Variants in ABL2 observed in about 807,000 individuals in gnomAD.
ABL2 encodes the protein tyrosine-protein kinase ABL2.
Under a neutral mutation model 107.7 loss-of-function variants are expected in ABL2, and 49 were observed. The ratio of observed to expected loss-of-function variants is 0.45; its 90% CI spans 0.36 to 0.58. The LOEUF (loss-of-function observed/expected upper bound fraction) is 0.58, where lower values mean the gene tolerates loss of function less well. ABL2 is among the 20% of genes least tolerant of loss of function. ABL2 has a pLI of 0.00. For missense variants in ABL2, 1,245 were observed against 1,457.0 expected, an observed-to-expected ratio of 0.85 and a Z score of 2.37; for synonymous variants, 549 against 548.6, an observed-to-expected ratio of 1.00 and a Z score of -0.01.
chr1:179,110,642 C>T (rs1400610171), intron 10 of ABL2, 187 bp from the exon 11 acceptor site: 1 of 1,525,358 alleles, frequency 6.6e-7, no homozygotes, highest in East Asian at 2.3e-5. Flanking sequence ...GTAGATTCGT[C>T]CACGCTGCTG....
intron 1 of ABL2, among the ~76,000 whole-genome samples, chr1:179,135,780 G>T (rs1444380931): frequency 6.8e-6 from 1 of 146,914 alleles, no homozygotes; most frequent in African/African-American, 2.5e-5. Flanking sequence ...GGAGGTGGGG[G>T]GGTCAGCCCC....
intron 1 of ABL2, among the ~76,000 whole-genome samples, chr1:179,144,485 G>C (rs1657859757): frequency 6.6e-6 from 1 of 151,956 alleles, no homozygotes; most frequent in Non-Finnish European, 1.5e-5. Context: ...AAGAGTGTTT[G>C]TTTAACTGTG....
intron 1 of ABL2, among the ~76,000 whole-genome samples, chr1:179,206,586 GA>G (rs1043139493): frequency 6.7e-5 from 10 of 149,934 alleles, no homozygotes; most frequent in African/African-American, 1.7e-4. Flanking sequence ...CATCTAGGGG[GA>G]AAAAAAAAGA....
chr1:179,229,649 GCCGCCA>G lies in ABL2; in HGVS notation c.-258_-253del, dbSNP rs1021424329. On this transcript the variant is annotated 5_prime_UTR_variant, in exon 1 of 12. Coordinates refer to ENST00000502732, the MANE Select transcript of ABL2 (RefSeq NM_007314.4). ...CGCCCCCAACGCCGCCGCCGCCGCC[GCCGCCA>G]CCGCCGCCGCCATCTTTAAACCACC... The G allele has an allele frequency of 5.2e-5, 25 of 480,490 alleles. 1 individual carries two copies. Among genetic ancestry groups the G allele is most frequent in the South Asian group, 2.4e-4 (8 of 32,996 alleles). The allele number at this position is 480,490 out of a possible 1,614,324, so 29.8% of individuals were successfully genotyped here.
chr1:179,121,535 T>G, intron 5 of ABL2, 60 bp downstream of exon 5: 1 of 1,568,478 alleles, frequency 6.4e-7, no homozygotes, highest in South Asian at 1.2e-5. Context: ...TGCTGATATT[T>G]CCAAGTGATT....
chr1:179,143,733 G>C (rs1004992453), intron 1 of ABL2, among the ~76,000 whole-genome samples: 2 of 152,192 alleles, frequency 1.3e-5, no homozygotes, highest in Admixed American at 6.5e-5. Flanking sequence ...GTCTCGCTCT[G>C]TCGCCCAGGC....
intron 1 of ABL2, among the ~76,000 whole-genome samples, chr1:179,199,032 G>T (rs1661502578): frequency 6.6e-6 from 1 of 151,846 alleles, no homozygotes; most frequent in East Asian, 2.0e-4. Context: ...AGTAGAGATG[G>T]GGGTTTCGCC....
At chr1:179,227,715 A>G (rs1041214015) in intron 1 of ABL2, among the ~76,000 whole-genome samples, 3 of 152,190 alleles carry the variant, frequency 2.0e-5, no homozygotes, top group Non-Finnish European at 2.9e-5. Context: ...TCACCTTCAT[A>G]AAGTGTTCAT....
intron 1 of ABL2, among the ~76,000 whole-genome samples, chr1:179,178,849 G>C (rs541078608): frequency 6.6e-6 from 1 of 152,094 alleles, no homozygotes; most frequent in East Asian, 1.9e-4. Flanking sequence ...GTGAGTTGAG[G>C]AGCCATGATC....
intron 1 of ABL2, 98 bp downstream of exon 1, chr1:179,229,143 C>T: frequency 7.4e-7 from 1 of 1,351,500 alleles, no homozygotes; most frequent in Non-Finnish European, 9.9e-7. Flanking sequence ...GCACCTTCCA[C>T]CCTCCGACCC....
intron 1 of ABL2, among the ~76,000 whole-genome samples, chr1:179,138,653 G>A (rs1045113782): frequency 6.6e-6 from 1 of 152,106 alleles, no homozygotes; most frequent in Admixed American, 6.5e-5. Flanking sequence ...ATCCTTCATG[G>A]CTCTGAGAGG....
chr1:179,201,867 A>C, intron 1 of ABL2: 1 of 1,357,444 alleles, frequency 7.4e-7, no homozygotes, highest in Non-Finnish European at 9.7e-7. Context: ...TTGAGACATC[A>C]AGACCCTCTA....
intron 8 of ABL2, among the ~76,000 whole-genome samples, 176 bp from the exon 9 acceptor site, chr1:179,115,206 G>A (rs1306515942): frequency 6.6e-6 from 1 of 151,990 alleles, no homozygotes; most frequent in African/African-American, 2.4e-5. Flanking sequence ...TAAAATATTT[G>A]CAACAGGAAT....
At chr1:179,224,761 A>T (rs924190623) in intron 1 of ABL2, among the ~76,000 whole-genome samples, 13 of 149,844 alleles carry the variant, frequency 8.7e-5, no homozygotes, top group South Asian at 4.4e-4. Context: ...CACGCCTATA[A>T]TCCCAGCACT....
chr1:179,135,748 G>A (rs1303701115), intron 1 of ABL2, among the ~76,000 whole-genome samples: 4 of 142,934 alleles, frequency 2.8e-5, no homozygotes, highest in African/African-American at 7.9e-5. Flanking sequence ...CCCTCTGCCC[G>A]GCCAGCTGCC....
At chr1:179,204,079 T>C (rs1661822551) in intron 1 of ABL2, among the ~76,000 whole-genome samples, 2 of 152,166 alleles carry the variant, frequency 1.3e-5, no homozygotes, top group South Asian at 4.1e-4. Context: ...CAGGCTGGAG[T>C]ACAGTGGCCT....
intron 2 of ABL2, among the ~76,000 whole-genome samples, chr1:179,132,347 C>T (rs1384460658): frequency 6.6e-6 from 1 of 152,090 alleles, no homozygotes; most frequent in Non-Finnish European, 1.5e-5. Context: ...ATCCCTATAC[C>T]ATCTTAAAGA....
At chr1:179,132,630 C>T (rs985407710) in intron 2 of ABL2, among the ~76,000 whole-genome samples, 3 of 149,932 alleles carry the variant, frequency 2.0e-5, no homozygotes, top group Non-Finnish European at 1.5e-5. Context: ...CTCTGCCTCC[C>T]GAGTTCAAGC....
At chr1:179,162,812 A>G (rs1199331715) in intron 1 of ABL2, among the ~76,000 whole-genome samples, 1 of 152,214 alleles carries the variant, frequency 6.6e-6, no homozygotes, top group Non-Finnish European at 1.5e-5. Flanking sequence ...AATTCTCACA[A>G]TAATCCTATC....
Sources: gnomAD v4.1 joint callset for allele counts (sites outside exome capture counted in the v4.1 genomes callset) on GRCh38, gnomAD v4.1.1 for gene constraint, MANE v1.5 for transcripts, NCBI Gene and HGNC (gene_info 2026-07-23, HGNC 2026-07-21) for gene names.